The following SASH1 variants were observed in gnomAD, a reference collection of about 807,000 sequenced individuals.
SASH1 encodes SAM and SH3 domain containing 1.
SASH1 carries 44 observed loss-of-function variants against 125.2 expected under a neutral mutation model. The ratio of observed to expected loss-of-function variants is 0.35; its 90% CI spans 0.28 to 0.45. The LOEUF (loss-of-function observed/expected upper bound fraction) is 0.45, where lower values mean the gene tolerates loss of function less well. Ranked by LOEUF, SASH1 falls within the 20% of genes least tolerant of loss-of-function variation. The probability of loss-of-function intolerance (pLI) is 1.00; values close to 1 mark genes in which losing one functional copy is unlikely to be tolerated. For synonymous variants in SASH1, 639 were observed against 649.1 expected (o/e 0.98, Z 0.24); for missense variants, 1,426 against 1,614.5 (o/e 0.88, Z 2.00).
the SASH1 span, among the ~76,000 whole-genome samples, chr6:148,218,020 A>T: frequency 6.6e-6 from 1 of 151,368 alleles, no homozygotes; most frequent in South Asian, 2.1e-4. Flanking sequence ...GTCTCAAAAA[A>T]AAAAAAATAA....
the SASH1 span, among the ~76,000 whole-genome samples, chr6:148,202,961 A>C: frequency 6.6e-6 from 1 of 151,752 alleles, no homozygotes; most frequent in Non-Finnish European, 1.5e-5. Flanking sequence ...CAAAAAAAAA[A>C]CAAAAACAAA....
upstream of SASH1, among the ~76,000 whole-genome samples, chr6:148,269,342 G>A (rs907434696): frequency 6.6e-6 from 1 of 151,920 alleles, no homozygotes; most frequent in Non-Finnish European, 1.5e-5. Context: ...CCAGGTTGGA[G>A]TGCGGTGGCA....
chr6:148,260,218 T>C, the SASH1 span, among the ~76,000 whole-genome samples: 2 of 152,226 alleles, frequency 1.3e-5, no homozygotes, highest in Non-Finnish European at 2.9e-5. Context: ...GAGGATACCA[T>C]TTTCATAATG....
At position 148,428,207 on chromosome 6, in the gene SASH1, T is replaced by C. The variant is rs925934142; in HGVS notation, c.286-11977T>C. Reference sequence around the variant, plus strand: ...CTTGTTCCCTCTGCTATTTGTGTCATATAAATTAATTAGCTCTTTAGCTTT... The same window carrying C: ...CTTGTTCCCTCTGCTATTTGTGTCACATAAATTAATTAGCTCTTTAGCTTT... On this transcript the variant is annotated intron_variant, in intron 2 of 19. Coordinates refer to ENST00000367467, the MANE Select transcript of SASH1 (RefSeq NM_015278.5). 3.3e-5 allele frequency among the ~76,000 whole-genome samples: 5 copies of C among 152,258 alleles called. No individual in the cohort carries two copies. The South Asian group carries it at 8.3e-4, about 25-fold the overall frequency.
chr6:148,271,277 G>A (rs796971610), upstream of SASH1, among the ~76,000 whole-genome samples: 10 of 152,274 alleles, frequency 6.6e-5, no homozygotes, highest in African/African-American at 2.4e-4. Flanking sequence ...CTAAGCTACA[G>A]GAAGTTTATT....
chr6:148,401,373 C>T (rs924670161), intron 2 of SASH1, among the ~76,000 whole-genome samples: 8 of 152,044 alleles, frequency 5.3e-5, no homozygotes, highest in Non-Finnish European at 7.4e-5. Flanking sequence ...CTCAATACAC[C>T]CCAGAGCACA....
chr6:148,387,721 T>C (rs1477055129), intron 1 of SASH1, among the ~76,000 whole-genome samples: 1 of 146,346 alleles, frequency 6.8e-6, no homozygotes, highest in African/African-American at 2.5e-5. Context: ...TTTCTTTTCT[T>C]TCCATTCTTT....
rs2294787 is a variant in SASH1, at chr6:148,533,848, G to A, written c.1812G>A (p.Thr604=). 143,285 of 1,613,930 alleles carry A rather than the reference G, an allele frequency of 0.089. 6,930 individuals are homozygous for A. Among genetic ancestry groups the A allele is most frequent in the Middle Eastern group, 0.11 (676 of 6,024 alleles). ...GCCTGCTGAACAACAAAGTCGGCAC[G>A]TTCAAGTTCATCTACGTGGACGTGC... The part of the protein sequence containing the change: ...WMGLLNNKVG[T]FKFIYVDVLS... The change falls in exon 15 of 20, where the codon ACG becomes ACA. Residue 604 remains threonine, a synonymous_variant. Transcript: ENST00000367467. This position sits in a 1 kb window ranked among gnomAD's most constrained non-coding sequence, Gnocchi z 6.2.
At chr6:148,520,561 C>T (rs1780748007) in intron 10 of SASH1, among the ~76,000 whole-genome samples, 2 of 152,284 alleles carry the variant, frequency 1.3e-5, no homozygotes, top group Admixed American at 6.5e-5. Context: ...GCAGCTTTCA[C>T]CTTCTCTTCC....
In SASH1 at chr6:148,529,749, A is replaced by G. The variant is rs1373396947; in HGVS notation, c.1429-1777A>G. 6.6e-6 allele frequency among the ~76,000 whole-genome samples: 1 copy of G among 152,142 alleles called. No homozygotes were observed. The highest frequency in any genetic ancestry group is 1.9e-4 in the East Asian group (1 of 5,202). ...TAAGGAATAAAAGAAACAACTGATCATTATAAATTTTCTGTAAAGCAAAAA... is the reference window on the plus strand; with the variant it reads ...TAAGGAATAAAAGAAACAACTGATCGTTATAAATTTTCTGTAAAGCAAAAA... On this transcript the variant is annotated intron_variant, in intron 12 of 19. Coordinates refer to ENST00000367467, the MANE Select transcript of SASH1 (RefSeq NM_015278.5). The surrounding 1 kb of genome is among the most constrained non-coding windows in gnomAD (Gnocchi z 4.2).
intron 2 of SASH1, among the ~76,000 whole-genome samples, chr6:148,430,418 G>A (rs930559613): frequency 7.2e-5 from 11 of 152,166 alleles, no homozygotes; most frequent in Admixed American, 2.6e-4. Context: ...TGCAGCCTTC[G>A]CCTCCTGGGT....
the SASH1 span, among the ~76,000 whole-genome samples, chr6:148,245,067 G>A: frequency 1.3e-5 from 2 of 152,024 alleles, no homozygotes; most frequent in Admixed American, 1.3e-4. Context: ...TGGTTTCCAG[G>A]AGCCCTCCCA....
At chr6:148,490,528 GC>G (rs1779065998) in intron 8 of SASH1, among the ~76,000 whole-genome samples, 1 of 152,148 alleles carries the variant, frequency 6.6e-6, no homozygotes, top group African/African-American at 2.4e-5. Flanking sequence ...ATTGTAGGGT[GC>G]CATCTTCACA....
intron 2 of SASH1, among the ~76,000 whole-genome samples, chr6:148,414,372 A>G (rs1405242595): frequency 6.6e-6 from 1 of 151,970 alleles, no homozygotes; most frequent in African/African-American, 2.4e-5. Context: ...GCGAGGGTGA[A>G]TGCAGGAAGG....
chr6:148,364,606 A>G (rs1782374580), intron 1 of SASH1, among the ~76,000 whole-genome samples: 2 of 152,134 alleles, frequency 1.3e-5, no homozygotes, highest in African/African-American at 4.8e-5. Flanking sequence ...AGCAGTTGCT[A>G]TAGTTGGGAC....
At chr6:148,291,548 T>A (rs1220897796) in intron 1 of SASH1, among the ~76,000 whole-genome samples, 1 of 151,980 alleles carries the variant, frequency 6.6e-6, no homozygotes, top group Non-Finnish European at 1.5e-5. Context: ...TTGGACCTGG[T>A]GACATGGCGC....
Position 148,377,199 on chromosome 6 carries a change from AAAAAAAC to A in SASH1, c.157-12930_157-12924del, listed in dbSNP as rs1309940034. Among the ~76,000 whole-genome samples, 133 of 149,222 alleles carry A rather than the reference AAAAAAAC, an allele frequency of 8.9e-4. 1 individual carries two copies. Among genetic ancestry groups the A allele is most frequent in the Non-Finnish European group, 1.4e-3 (92 of 67,456 alleles). On this transcript the variant is annotated intron_variant, in intron 1 of 19. Transcript: ENST00000367467. ...AAAAAAAAAACAAAAAAAAAACAAA[AAAAAAAC>A]AAAACAAACAAACAAACAAAAAAAA...
Position 148,519,945 on chromosome 6 carries a change from C to A in SASH1, c.1209+52C>A. On this transcript the variant is annotated intron_variant, in intron 10 of 19. Coordinates refer to ENST00000367467, the MANE Select transcript of SASH1 (RefSeq NM_015278.5). This position sits in a 1 kb window ranked among gnomAD's most constrained non-coding sequence, Gnocchi z 4.8. ...TGACAACCACCGTCGCAGGCACCAC[C>A]TTCTGGTGTCCCTGGAGGAGTTTCA... is the stretch of plus-strand genomic sequence containing the variant. 7.8e-7 allele frequency: 1 copy of A among 1,274,038 alleles called. No homozygotes were observed. The highest frequency in any genetic ancestry group is 1.4e-5 in the South Asian group (1 of 71,740). The allele number at this position is 1,274,038 out of a possible 1,614,324, so 78.9% of individuals were successfully genotyped here.
intron 8 of SASH1, among the ~76,000 whole-genome samples, chr6:148,510,592 G>T (rs916710977): frequency 2.6e-4 from 39 of 152,018 alleles, no homozygotes; most frequent in African/African-American, 9.4e-4. Flanking sequence ...CACATAGGAA[G>T]ATTTCTTTTA....
Sources: allele counts gnomAD v4.1 joint callset (sites outside exome capture counted in the v4.1 genomes callset), GRCh38; gene constraint gnomAD v4.1.1; non-coding constraint Gnocchi (gnomAD v3.1); transcripts MANE v1.5; gene names NCBI Gene and HGNC (gene_info 2026-07-23, HGNC 2026-07-21).